The following CLEC18A variants were observed in gnomAD, a reference collection of about 807,000 sequenced individuals.
CLEC18A encodes C-type lectin domain family 18 member A, also known as mannose receptor-like 1.
In CLEC18A, 5 loss-of-function variants were observed where a neutral mutation model predicts 24.0. The observed-to-expected ratio is 0.21, with a 90% confidence interval of 0.11 to 0.44. The LOEUF is 0.44. CLEC18A is among the 20% of genes least tolerant of loss of function. The pLI is 0.99. For missense variants in CLEC18A, 83 were observed against 233.4 expected (o/e 0.36, Z 4.20); for synonymous variants, 29 against 100.1 (o/e 0.29, Z 4.24).
chr16:69,951,403 C>G lies in CLEC18A; in HGVS notation c.37C>G (p.Leu13Val), dbSNP rs1251504314. 6.2e-7 allele frequency: 1 copy of G among 1,611,568 alleles called. No homozygotes were observed. Among genetic ancestry groups the G allele is most frequent in the African/African-American group, 1.3e-5 (1 of 74,864 alleles). Residue 13 changes from leucine (L) to valine (V), a missense_variant, in exon 1 of 12, where the codon CTC becomes GTC. Leu to Val is a conservative substitution (Grantham distance 32). Coordinates refer to ENST00000288040, the MANE Select transcript of CLEC18A (RefSeq NM_001370523.4). ...AGAGACCTCCCCTGGCCGGGGGCATCTCCTGGCTGTGCTCCTGGCCCTCCT... is the reference window on the plus strand; with the variant it reads ...AGAGACCTCCCCTGGCCGGGGGCATGTCCTGGCTGTGCTCCTGGCCCTCCT... ...HPETSPGRGH[L>V]LAVLLALLGT...
upstream of CLEC18A, among the ~76,000 whole-genome samples, chr16:69,948,384 T>TTG (rs1300124453): frequency 4.6e-5 from 5 of 107,936 alleles, no homozygotes; most frequent in African/African-American, 1.5e-4. Flanking sequence ...GTTTTTTTTG[T>TTG]TTGTTTGTTT....
In CLEC18A at chr16:69,963,836, GGGA is replaced by G. The variant is rs2152021731; in HGVS notation, c.*226_*228del. On this transcript the variant is annotated 3_prime_UTR_variant, in exon 12 of 12. Transcript: ENST00000288040. ...TGGGGCCCTTCGCCTGCTTTTGATT[GGGA>G]AGATGGGCTTCAATTAGATGGCGAA... is the stretch of plus-strand genomic sequence containing the variant. 1 of 581,892 alleles carries G rather than the reference GGGA, an allele frequency of 1.7e-6. No individual in the cohort carries two copies. Among genetic ancestry groups the G allele is most frequent in the East Asian group, 3.0e-5 (1 of 33,674 alleles). 36.0% of individuals were successfully genotyped at this position (581,892 alleles called of 1,614,324 possible).
intron 3 of CLEC18A, among the ~76,000 whole-genome samples, chr16:69,955,374 A>G (rs7404228): frequency 0.81 from 119,409 of 147,448 alleles, 48,872 homozygotes; most frequent in East Asian, 0.96. Flanking sequence ...TATTTGAGAC[A>G]AAGTCTTGTT....
the CLEC18A span, among the ~76,000 whole-genome samples, chr16:69,945,020 T>C: frequency 6.9e-6 from 1 of 144,970 alleles, no homozygotes; most frequent in Non-Finnish European, 1.5e-5. Context: ...TGCATGCCCA[T>C]AGTCCCAACT....
chr16:69,945,518 T>A, the CLEC18A span, among the ~76,000 whole-genome samples: 4 of 152,370 alleles, frequency 2.6e-5, no homozygotes, highest in South Asian at 4.1e-4. Context: ...GTTTTCAAAT[T>A]TTTTTTGAGA....
chr16:69,956,279 A>C (rs1263675139), intron 3 of CLEC18A, among the ~76,000 whole-genome samples: 1 of 139,200 alleles, frequency 7.2e-6, no homozygotes, highest in Non-Finnish European at 1.5e-5. Flanking sequence ...CCCTACAACT[A>C]GGTGCTGCCA....
chr16:69,951,457 C>A lies in CLEC18A; in HGVS notation c.91C>A (p.Pro31Thr), dbSNP rs1158675700. The A allele has an allele frequency of 1.9e-6, 3 of 1,611,464 alleles. No homozygotes were observed. The African/African-American group carries it at 4.0e-5, about 22-fold the overall frequency. Residue 31 changes from proline (P) to threonine (T), a missense_variant, in exon 1 of 12, where the codon CCC becomes ACC. Physicochemically the swap from Pro to Thr is conservative, Grantham distance 38. Around this residue, in one of 3 missense-constraint regions of CLEC18A, gnomAD observed 1 missense variants for 68.4 expected, o/e 0.01. Coordinates refer to ENST00000288040, the MANE Select transcript of CLEC18A (RefSeq NM_001370523.4). ...LGTAWAEVWP[P>T]QLQEQAPMAG... is the part of the protein sequence containing the mutation. ...CACCGCCTGGGCAGAGGTGTGGCCACCCCAGCTGCAGGAGCAGGCTCCGAT... is the reference window on the plus strand; with the variant it reads ...CACCGCCTGGGCAGAGGTGTGGCCAACCCAGCTGCAGGAGCAGGCTCCGAT...
upstream of CLEC18A, among the ~76,000 whole-genome samples, chr16:69,948,694 C>T (rs2058916379): frequency 6.9e-6 from 1 of 145,070 alleles, no homozygotes; most frequent in Non-Finnish European, 1.5e-5. Context: ...AGCCACCGAG[C>T]AGGCTCCACT....
chr16:69,945,573 C>G, the CLEC18A span, among the ~76,000 whole-genome samples: 1 of 152,388 alleles, frequency 6.6e-6, no homozygotes, highest in South Asian at 2.1e-4. Context: ...CTCCAGGGCT[C>G]AAGGGATCCT....
At chr16:69,964,754 C>G (rs558422511), downstream of CLEC18A, among the ~76,000 whole-genome samples, 1 of 151,610 alleles carries the variant, frequency 6.6e-6, no homozygotes, top group African/African-American at 2.4e-5. Flanking sequence ...CCACCCGCCT[C>G]GGCCTCCCAA....
the CLEC18A span, among the ~76,000 whole-genome samples, chr16:69,943,586 A>G: frequency 2.6e-5 from 4 of 152,250 alleles, no homozygotes; most frequent in South Asian, 8.3e-4. Context: ...CACTTAACAT[A>G]ATGTCCTCGT....
the CLEC18A span, among the ~76,000 whole-genome samples, chr16:69,945,679 C>A: frequency 6.6e-6 from 1 of 152,400 alleles, no homozygotes; most frequent in South Asian, 2.1e-4. Context: ...CAACAAAAAT[C>A]TTTTGGAAGT....
downstream of CLEC18A, among the ~76,000 whole-genome samples, chr16:69,965,022 G>C (rs1368906625): frequency 1.3e-5 from 2 of 151,610 alleles, no homozygotes; most frequent in Non-Finnish European, 2.9e-5. Flanking sequence ...GGCTGGTCTC[G>C]AACTCCCGTG....
In CLEC18A at chr16:69,954,538, T is replaced by G. The variant is rs1597210193; in HGVS notation, c.421T>G (p.Cys141Gly). The change falls in exon 3 of 12, where the codon TGT becomes GGT. Residue 141 changes from cysteine to glycine, a missense_variant. Cys to Gly is a radical substitution (Grantham distance 159). Transcript: ENST00000288040. ...GCGGTACAGCCACGCGGCAGGAGAG[T>G]GTGCTCGCAACGCCACCTGCACCCA... ...GQRYSHAAGE[C>G]ARNATCTHYT... is the part of the protein sequence containing the mutation. 6.2e-7 allele frequency: 1 copy of G among 1,612,174 alleles called. No individual in the cohort carries two copies. Among genetic ancestry groups the G allele is most frequent in the Non-Finnish European group, 8.5e-7 (1 of 1,179,270 alleles).
chr16:69,966,271 T>C (rs946188678), downstream of CLEC18A, among the ~76,000 whole-genome samples: 1 of 150,502 alleles, frequency 6.6e-6, no homozygotes, highest in African/African-American at 2.5e-5. Flanking sequence ...CACTTGTGTT[T>C]AGCTTCTGTT....
intron 1 of CLEC18A, chr16:69,951,746 C>T (rs1337844057): frequency 1.4e-5 from 4 of 291,814 alleles, no homozygotes; most frequent in African/African-American, 1.1e-4. Flanking sequence ...TGGAGAAATC[C>T]GTGGCCCGGA....
At chr16:69,963,162 C>A in intron 11 of CLEC18A, 95 bp downstream of exon 11, 1 of 1,403,694 alleles carries the variant, frequency 7.1e-7, no homozygotes, top group Admixed American at 1.8e-5. Context: ...GTGGCAGGTT[C>A]AGAGTGGGTC....
At chr16:69,958,848 G>GAGCC (rs2059064396) in intron 3 of CLEC18A, 94 bp from the exon 4 acceptor site, 1 of 98,296 alleles carries the variant, frequency 1.0e-5, no homozygotes, top group Non-Finnish European at 1.7e-5. Context: ...GGAGGTAAGG[G>GAGCC]AGCCCTCTGT....
At chr16:69,948,374 G>GTTTT (rs59792189), upstream of CLEC18A, among the ~76,000 whole-genome samples, 4 of 126,530 alleles carry the variant, frequency 3.2e-5, no homozygotes, top group Non-Finnish European at 6.5e-5. Flanking sequence ...AGAGTTAAAT[G>GTTTT]TTTTTTTTGT....
Sources: gnomAD v4.1 joint callset for allele counts (sites outside exome capture counted in the v4.1 genomes callset) on GRCh38, gnomAD v4.1.1 for gene constraint, gnomAD v4.1.1 regional missense constraint, MANE v1.5 for transcripts, NCBI Gene and HGNC (gene_info 2026-07-23, HGNC 2026-07-21) for gene names.